Variants in GALNTL6 observed in about 807,000 individuals in gnomAD.
The protein encoded by GALNTL6 is polypeptide N-acetylgalactosaminyltransferase-like 6.
In GALNTL6, 46 loss-of-function variants were observed where a neutral mutation model predicts 73.7. That is an observed-to-expected ratio of 0.62 (90% CI 0.49 to 0.80). GALNTL6 has a LOEUF of 0.80. Among genes scored for constraint, GALNTL6 ranks in the 30% least tolerant of loss-of-function variants. GALNTL6 has a pLI of 0.00. For synonymous variants in GALNTL6, 259 were observed against 263.7 expected (o/e 0.98, Z 0.17); for missense variants, 604 against 755.0 (o/e 0.80, Z 2.34).
At chr4:171,948,951 C>CCA (rs1738782272) in intron 2 of GALNTL6, among the ~76,000 whole-genome samples, 1 of 103,336 alleles carries the variant, frequency 9.7e-6, no homozygotes, top group Non-Finnish European at 2.1e-5. Context: ...GACTCGCAAG[C>CCA]CATATATATA....
chr4:172,535,874 T>C lies in GALNTL6; in HGVS notation c.553+187185T>C, dbSNP rs58328974. ...AGATTTTGATTTATCAATGAGGTTA[T>C]ATATATTTTGGTTTACTACTGATAT... is the stretch of plus-strand genomic sequence containing the variant. On this transcript the variant is annotated intron_variant, in intron 5 of 12. Transcript: ENST00000506823. Among the ~76,000 whole-genome samples the C allele has an allele frequency of 8.8e-3, 1,345 of 152,268 alleles. 22 individuals carry two copies. The highest frequency in any genetic ancestry group is 0.031 in the African/African-American group (1,291 of 41,548).
chr4:172,409,137 A>G (rs1342603892), intron 5 of GALNTL6, among the ~76,000 whole-genome samples: 1 of 152,094 alleles, frequency 6.6e-6, no homozygotes, highest in Non-Finnish European at 1.5e-5. Flanking sequence ...AAAATAGGTG[A>G]TTATTAGCTA....
At chr4:172,571,538 A>C (rs1233798652) in intron 5 of GALNTL6, among the ~76,000 whole-genome samples, 1 of 152,226 alleles carries the variant, frequency 6.6e-6, no homozygotes, top group African/African-American at 2.4e-5. Context: ...AATTGAAGGC[A>C]GAGACACTAT....
At chr4:172,478,780 C>T (rs532399386) in intron 5 of GALNTL6, among the ~76,000 whole-genome samples, 4 of 151,922 alleles carry the variant, frequency 2.6e-5, no homozygotes, top group African/African-American at 9.7e-5. Context: ...ATATCCAGAA[C>T]CTATAAGGAA....
intron 2 of GALNTL6, among the ~76,000 whole-genome samples, chr4:171,829,398 T>C (rs564961121): frequency 1.3e-5 from 2 of 152,216 alleles, no homozygotes; most frequent in South Asian, 4.1e-4. Flanking sequence ...ATTGGACTCT[T>C]ACAGCTTCAG....
At chr4:172,948,376 A>T (rs754618145) in intron 9 of GALNTL6, among the ~76,000 whole-genome samples, 4 of 152,134 alleles carry the variant, frequency 2.6e-5, no homozygotes, top group Admixed American at 6.6e-5. Context: ...TATGTCCATG[A>T]TCCAACTGCT....
intron 10 of GALNTL6, among the ~76,000 whole-genome samples, chr4:172,979,448 T>G (rs1750978122): frequency 6.6e-6 from 1 of 152,216 alleles, no homozygotes; most frequent in Admixed American, 6.5e-5. Context: ...ATAAATTGTT[T>G]TCAATATAAT....
At chr4:172,024,567 T>A (rs1406788788) in intron 2 of GALNTL6, among the ~76,000 whole-genome samples, 1 of 151,922 alleles carries the variant, frequency 6.6e-6, no homozygotes, top group Non-Finnish European at 1.5e-5. Context: ...ATTCCCAATA[T>A]ATGACAAAAG....
intron 10 of GALNTL6, among the ~76,000 whole-genome samples, chr4:173,005,963 G>A (rs1752260732): frequency 6.6e-6 from 1 of 152,162 alleles, no homozygotes; most frequent in South Asian, 2.1e-4. Context: ...GGCCTTTTGA[G>A]CTCATAACAT....
intron 2 of GALNTL6, among the ~76,000 whole-genome samples, chr4:171,972,902 A>T (rs1739611931): frequency 6.6e-6 from 1 of 152,228 alleles, no homozygotes; most frequent in African/African-American, 2.4e-5. Flanking sequence ...ATTACTAAAT[A>T]CAACAGAATA....
At chr4:172,472,373 C>T (rs957436016) in intron 5 of GALNTL6, among the ~76,000 whole-genome samples, 1 of 152,160 alleles carries the variant, frequency 6.6e-6, no homozygotes, top group Non-Finnish European at 1.5e-5. Context: ...TTAGTTAGTA[C>T]ATTGTACATC....
At chr4:172,763,656 T>G (rs951615650) in intron 5 of GALNTL6, among the ~76,000 whole-genome samples, 1 of 152,242 alleles carries the variant, frequency 6.6e-6, no homozygotes, top group Non-Finnish European at 1.5e-5. Flanking sequence ...TGTTTAACAC[T>G]GAGCACAGGT....
chr4:172,018,764 A>T (rs1375928896), intron 2 of GALNTL6, among the ~76,000 whole-genome samples: 1 of 152,052 alleles, frequency 6.6e-6, no homozygotes, highest in Non-Finnish European at 1.5e-5. Context: ...TTCATGCCCA[A>T]TCAATATTAC....
intron 5 of GALNTL6, among the ~76,000 whole-genome samples, chr4:172,612,217 T>C (rs547267926): frequency 9.2e-5 from 14 of 152,190 alleles, no homozygotes; most frequent in Non-Finnish European, 1.3e-4. Flanking sequence ...TTTAACTTCT[T>C]TGGGCTTCAG....
At chr4:172,011,142 C>G (rs993234170) in intron 2 of GALNTL6, among the ~76,000 whole-genome samples, 1 of 151,982 alleles carries the variant, frequency 6.6e-6, no homozygotes, top group East Asian at 1.9e-4. Context: ...TAGAGAGTAT[C>G]CTTGACATTG....
chr4:172,171,154 G>A (rs1734808468), intron 2 of GALNTL6, among the ~76,000 whole-genome samples: 1 of 152,146 alleles, frequency 6.6e-6, no homozygotes, highest in Admixed American at 6.5e-5. Flanking sequence ...AAAGATCAAA[G>A]TCAGTGTTTG....
At position 172,311,686 on chromosome 4, in the gene GALNTL6, G is replaced by GT. The variant is rs1441793331; in HGVS notation, c.324dup (p.Asn109Ter). The stretch of plus-strand genomic sequence containing the variant: ...GATGACTCAGCTTACAGGGAAAATG[G>GT]TTTTAATATTTTCGTCAGCAACAAT... On this transcript the variant is annotated frameshift_variant, in exon 4 of 13. Coordinates refer to ENST00000506823, the MANE Select transcript of GALNTL6 (RefSeq NM_001034845.3). LOFTEE classifies it high-confidence loss of function. 1 of 1,611,520 alleles carries GT rather than the reference G, an allele frequency of 6.2e-7. No homozygotes were observed. Among genetic ancestry groups the GT allele is most frequent in the African/African-American group, 1.3e-5 (1 of 74,802 alleles).
At chr4:171,816,521 T>C (rs1305018811) in intron 2 of GALNTL6, among the ~76,000 whole-genome samples, 1 of 152,074 alleles carries the variant, frequency 6.6e-6, no homozygotes, top group Non-Finnish European at 1.5e-5. Context: ...TCGTATACTG[T>C]AGAATAAATA....
At chr4:172,233,118 C>T (rs2110974909) in intron 3 of GALNTL6, among the ~76,000 whole-genome samples, 1 of 151,032 alleles carries the variant, frequency 6.6e-6, no homozygotes, top group African/African-American at 2.4e-5. Flanking sequence ...TCTGCAATCC[C>T]AGCACACCGG....
Sources: gnomAD v4.1 joint callset for allele counts (sites outside exome capture counted in the v4.1 genomes callset) on GRCh38, gnomAD v4.1.1 for gene constraint, MANE v1.5 for transcripts, NCBI Gene and HGNC (gene_info 2026-07-23, HGNC 2026-07-21) for gene names.